The following AP1AR variants were observed in gnomAD, a reference collection of about 807,000 sequenced individuals.
AP1AR encodes AP-1 complex-associated regulatory protein.
A neutral mutation model predicts 46.3 loss-of-function variants in AP1AR; 29 were observed. The ratio of observed to expected loss-of-function variants is 0.63; its 90% confidence interval spans 0.47 to 0.85. The LOEUF (loss-of-function observed/expected upper bound fraction) is 0.85. AP1AR is among the 40% of genes least tolerant of loss of function. The pLI is 0.00. For synonymous variants in AP1AR, 122 were observed against 122.9 expected, an observed-to-expected ratio of 0.99 and a Z score of 0.05; for missense variants, 357 against 356.3, an observed-to-expected ratio of 1.00 and a Z score of -0.02.
chr4:112,260,768 C>T lies in AP1AR; in HGVS notation c.188C>T (p.Pro63Leu). 6.3e-7 allele frequency: 1 copy of T among 1,582,342 alleles called. No homozygotes were observed. Among genetic ancestry groups the T allele is most frequent in the Non-Finnish European group, 8.6e-7 (1 of 1,165,190 alleles). ...EGESPGSSHRPLTEEEIVDLR... is the reference protein window; with the variant it reads ...EGESPGSSHRLLTEEEIVDLR... ...CTCCTCCTCCTTTTTTTCTCTAGGC[C>T]TCTTACTGAGGAAGAAATTGTTGAC... is the stretch of plus-strand genomic sequence containing the variant. Residue 63 changes from proline (P) to leucine (L), a missense_variant and splice_region_variant, in exon 5 of 10, where the codon CCT becomes CTT. By Grantham distance (98) the Pro-to-Leu change is moderately conservative. This residue lies in a region of AP1AR where 269 missense variants were observed against 223.6 expected (regional missense o/e 1.20). Transcript: ENST00000274000.
At chr4:112,238,927 T>C (rs1430968149) in intron 1 of AP1AR, among the ~76,000 whole-genome samples, 1 of 152,214 alleles carries the variant, frequency 6.6e-6, no homozygotes, top group Non-Finnish European at 1.5e-5. Flanking sequence ...TTTCTACTAC[T>C]TCGTTCCCTA....
intron 1 of AP1AR, among the ~76,000 whole-genome samples, chr4:112,232,941 T>G (rs1289040391): frequency 1.3e-5 from 2 of 152,196 alleles, no homozygotes; most frequent in Non-Finnish European, 2.9e-5. Flanking sequence ...GAATAGTAAT[T>G]TCATAATTCC....
rs370793155 is a variant in AP1AR at position 112,263,557 on chromosome 4, T to C, written c.381+471T>C. Among the ~76,000 whole-genome samples the C allele has an allele frequency of 3.6e-4, 55 of 152,180 alleles. 2 individuals carry two copies. The South Asian group carries it at 0.011, about 29-fold the overall frequency. On this transcript the variant is annotated intron_variant, in intron 6 of 9. Coordinates refer to ENST00000274000, the MANE Select transcript of AP1AR (RefSeq NM_018569.6). ...GCTATTTTCCCCATAAAATTATTAC[T>C]TGCTTCTCATCTTTATTCTTGTGTC...
chr4:112,245,467 T>C (rs2110473015), intron 1 of AP1AR, among the ~76,000 whole-genome samples: 1 of 152,296 alleles, frequency 6.6e-6, no homozygotes, highest in Non-Finnish European at 1.5e-5. Context: ...AGAGCTTACT[T>C]TTTGGAGTTT....
intron 1 of AP1AR, among the ~76,000 whole-genome samples, chr4:112,245,747 C>G (rs1343813884): frequency 6.6e-6 from 1 of 152,164 alleles, no homozygotes; most frequent in East Asian, 1.9e-4. Flanking sequence ...GCAAGCCTCT[C>G]TTTGCTCTCC....
intron 6 of AP1AR, among the ~76,000 whole-genome samples, chr4:112,264,117 T>G (rs1186364172): frequency 6.6e-6 from 1 of 152,202 alleles, no homozygotes; most frequent in African/African-American, 2.4e-5. Flanking sequence ...GCAGATTATA[T>G]GAAGGAATAT....
In AP1AR at chr4:112,270,528, ATTGTT is replaced by A. The variant is rs1726908259; in HGVS notation, c.*2122_*2126del. Reference sequence around the variant, plus strand: ...GAGGAGATAGCTTGGCTAAAACTTAATTGTTTTAAGTTTTAGTTGTTAACTTGTTA... The same window carrying A: ...GAGGAGATAGCTTGGCTAAAACTTAATTAAGTTTTAGTTGTTAACTTGTTA... On this transcript the variant is annotated 3_prime_UTR_variant, in exon 10 of 10. Transcript: ENST00000274000. Among the ~76,000 whole-genome samples the A allele has an allele frequency of 6.6e-6, 1 of 152,230 alleles. No individual in the cohort carries two copies. Among genetic ancestry groups the A allele is most frequent in the African/African-American group, 2.4e-5 (1 of 41,462 alleles).
At chr4:112,247,093 G>A (rs1220800403) in intron 1 of AP1AR, among the ~76,000 whole-genome samples, 1 of 151,958 alleles carries the variant, frequency 6.6e-6, no homozygotes, top group Non-Finnish European at 1.5e-5. Flanking sequence ...CTCTTCCTGT[G>A]TCCCCAAGGA....
intron 5 of AP1AR, among the ~76,000 whole-genome samples, chr4:112,262,062 C>G (rs1267320889): frequency 6.6e-6 from 1 of 151,982 alleles, no homozygotes; most frequent in Non-Finnish European, 1.5e-5. Flanking sequence ...TGCCTATAGT[C>G]CCAGCACTTT....
intron 1 of AP1AR, 58 bp downstream of exon 1, chr4:112,232,232 G>T: frequency 8.0e-7 from 1 of 1,249,804 alleles, no homozygotes; most frequent in Non-Finnish European, 1.0e-6. Context: ...GGCCCCCGGC[G>T]GGGAATCCCT....
At chr4:112,261,814 A>T (rs770866859) in intron 5 of AP1AR, among the ~76,000 whole-genome samples, 3 of 151,490 alleles carry the variant, frequency 2.0e-5, no homozygotes, top group Non-Finnish European at 4.4e-5. Flanking sequence ...AAAAAAAAAT[A>T]CAAAAATTAG....
At chr4:112,242,452 G>A (rs1473319945) in intron 1 of AP1AR, among the ~76,000 whole-genome samples, 4 of 150,628 alleles carry the variant, frequency 2.7e-5, no homozygotes, top group Non-Finnish European at 4.4e-5. Flanking sequence ...ATTTATAAAA[G>A]AAAAAAAAAG....
intron 1 of AP1AR, among the ~76,000 whole-genome samples, chr4:112,243,485 A>G (rs1264072513): frequency 6.6e-6 from 1 of 152,112 alleles, no homozygotes; most frequent in Admixed American, 6.5e-5. Context: ...CTTAGCCTCA[A>G]ATTTGATTGC....
rs188510949 is a variant in AP1AR, at chr4:112,269,254, A to G, written c.*845A>G. Reference sequence around the variant, plus strand: ...ATTTTACACAGAACATATTCTCTGCATGATTTCAGAAAAGAAAATCTAAAA... The same window carrying G: ...ATTTTACACAGAACATATTCTCTGCGTGATTTCAGAAAAGAAAATCTAAAA... On this transcript the variant is annotated 3_prime_UTR_variant, in exon 10 of 10. Coordinates refer to ENST00000274000, the MANE Select transcript of AP1AR (RefSeq NM_018569.6). 5.6e-4 allele frequency: 85 copies of G among 152,426 alleles called. No homozygotes were observed. Among genetic ancestry groups the G allele is most frequent in the African/African-American group, 1.9e-3 (80 of 41,528 alleles). 9.4% of individuals were successfully genotyped at this position (152,426 alleles called of 1,614,324 possible).
At position 112,270,436 on chromosome 4, in the gene AP1AR, A is replaced by G. The variant is rs936353967; in HGVS notation, c.*2027A>G. ...ACAGGTCACAGTTAGAAAATATACA[A>G]GATTATAGGAGAGAGAGTAACTGGG... On this transcript the variant is annotated 3_prime_UTR_variant, in exon 10 of 10. Coordinates refer to ENST00000274000, the MANE Select transcript of AP1AR (RefSeq NM_018569.6). Among the ~76,000 whole-genome samples the G allele has an allele frequency of 6.6e-6, 1 of 152,188 alleles. No individual in the cohort carries two copies. The highest frequency in any genetic ancestry group is 2.4e-5 in the African/African-American group (1 of 41,450).
rs371069636 is a variant in AP1AR at position 112,271,920 on chromosome 4, T to C, written c.*3511T>C. Among the ~76,000 whole-genome samples, 1 of 152,046 alleles carries C rather than the reference T, an allele frequency of 6.6e-6. No individual in the cohort carries two copies. Among genetic ancestry groups the C allele is most frequent in the South Asian group, 2.1e-4 (1 of 4,816 alleles). The stretch of plus-strand genomic sequence containing the variant: ...CCACTAAGTGTTGACATTTAGAAGT[T>C]GGGGGTAGTGAAACAGTCGTCAAAA... On this transcript the variant is annotated 3_prime_UTR_variant, in exon 10 of 10. Transcript: ENST00000274000.
At position 112,271,619 on chromosome 4, in the gene AP1AR, C is replaced by T. The variant is rs890036775; in HGVS notation, c.*3210C>T. Among the ~76,000 whole-genome samples the T allele has an allele frequency of 6.6e-6, 1 of 152,166 alleles. No individual in the cohort carries two copies. Among genetic ancestry groups the T allele is most frequent in the African/African-American group, 2.4e-5 (1 of 41,426 alleles). Reference sequence around the variant, plus strand: ...ACAGCCAGCCTAGTAGCTGCAAGTGCCCTTAACTATAACTTCTTGGTTCTG... The same window carrying T: ...ACAGCCAGCCTAGTAGCTGCAAGTGTCCTTAACTATAACTTCTTGGTTCTG... On this transcript the variant is annotated 3_prime_UTR_variant, in exon 10 of 10. Coordinates refer to ENST00000274000, the MANE Select transcript of AP1AR (RefSeq NM_018569.6).
chr4:112,238,029 A>G (rs1345470056), intron 1 of AP1AR, among the ~76,000 whole-genome samples: 3 of 152,264 alleles, frequency 2.0e-5, no homozygotes, highest in Admixed American at 2.0e-4. Flanking sequence ...AAGAGCAGCC[A>G]TAGACAGCAT....
rs1407629566 is a variant in AP1AR at position 112,271,302 on chromosome 4, G to A, written c.*2893G>A. The stretch of plus-strand genomic sequence containing the variant: ...CCTGTCTTGCAAAAGGCTGCCGTGA[G>A]GCAATTTCTCATCCAGCTGGTTTCC... On this transcript the variant is annotated 3_prime_UTR_variant, in exon 10 of 10. Transcript: ENST00000274000. Among the ~76,000 whole-genome samples the A allele has an allele frequency of 1.3e-5, 2 of 152,216 alleles. No individual in the cohort carries two copies. Among genetic ancestry groups the A allele is most frequent in the Admixed American group, 1.3e-4 (2 of 15,284 alleles).
Sources: allele counts gnomAD v4.1 joint callset (sites outside exome capture counted in the v4.1 genomes callset), GRCh38; gene constraint gnomAD v4.1.1; regional missense constraint gnomAD v4.1.1; transcripts MANE v1.5; gene names NCBI Gene and HGNC (gene_info 2026-07-23, HGNC 2026-07-21).